ACSS2: variants seen among roughly 807,000 people sequenced by gnomAD.
ACSS2 encodes the protein acetyl-coenzyme A synthetase, cytoplasmic.
ACSS2 carries 58 observed loss-of-function variants against 90.6 expected under a neutral mutation model. That is an observed-to-expected ratio of 0.64 (90% CI 0.52 to 0.80). The LOEUF is 0.80. Ranked by LOEUF, ACSS2 falls within the 30% of genes least tolerant of loss-of-function variation. ACSS2 has a pLI of 0.00. For synonymous variants in ACSS2, 300 were observed against 330.9 expected (o/e 0.91, Z 1.01); for missense variants, 759 against 912.0 (o/e 0.83, Z 2.16).
intron 2 of ACSS2, among the ~76,000 whole-genome samples, chr20:34,890,441 G>A (rs981765203): frequency 6.6e-6 from 1 of 152,174 alleles, no homozygotes; most frequent in Admixed American, 6.5e-5. Context: ...GAGTCAGTGA[G>A]GGTGTTAGAG....
chr20:34,918,733 T>C (rs2081129166), intron 7 of ACSS2, among the ~76,000 whole-genome samples: 1 of 152,238 alleles, frequency 6.6e-6, no homozygotes, highest in African/African-American at 2.4e-5. Context: ...ATTTTACTAC[T>C]AACAGGGTCA....
intron 15 of ACSS2, 78 bp downstream of exon 15, chr20:34,925,844 C>T (rs1569003358): frequency 6.6e-7 from 1 of 1,506,884 alleles, no homozygotes; most frequent in Non-Finnish European, 9.0e-7. Flanking sequence ...TCCGCAAGAG[C>T]CCAGGAGTGT....
chr20:34,922,122 A>T, intron 13 of ACSS2: 2 of 700,548 alleles, frequency 2.9e-6, no homozygotes, highest in Non-Finnish European at 4.0e-6. Flanking sequence ...TTGGGTCTGG[A>T]AGACTAAGTC....
At chr20:34,892,022 G>T (rs1018845042) in intron 2 of ACSS2, among the ~76,000 whole-genome samples, 5 of 152,298 alleles carry the variant, frequency 3.3e-5, no homozygotes, top group African/African-American at 1.2e-4. Flanking sequence ...TTTAGTTAAT[G>T]CCCTTTTCTA....
chr20:34,927,957 C>CAAG (rs1467116697), exon 18 of ACSS2: 6 of 152,948 alleles, frequency 3.9e-5, no homozygotes, highest in Admixed American at 1.3e-4. This position sits in a 1 kb window ranked among gnomAD's most constrained non-coding sequence, Gnocchi z 4.2. Context: ...CCTGTGATCT[C>CAAG]AAGAAGTGGT....
At chr20:34,905,567 A>G (rs2080779432) in intron 2 of ACSS2, among the ~76,000 whole-genome samples, 1 of 152,136 alleles carries the variant, frequency 6.6e-6, no homozygotes, top group Non-Finnish European at 1.5e-5. Flanking sequence ...GCCAATTCAA[A>G]AGTTTTGACA....
chr20:34,922,944 T>C (rs2081234935), intron 13 of ACSS2: 1 of 169,718 alleles, frequency 5.9e-6, no homozygotes, highest in Non-Finnish European at 1.3e-5. Context: ...AATGAGTGTT[T>C]TCATTTGTAT....
chr20:34,875,987 T>G (rs2079897906), upstream of ACSS2: 1 of 152,548 alleles, frequency 6.6e-6, no homozygotes. Context: ...ATGGGAGAAG[T>G]TTTTCCGGAG....
At chr20:34,875,839 G>A (rs568653853), upstream of ACSS2, 1 of 152,496 alleles carries the variant, frequency 6.6e-6, no homozygotes, top group Non-Finnish European at 1.5e-5. Context: ...CACTTATTGA[G>A]TCTTGTACTT....
intron 2 of ACSS2, among the ~76,000 whole-genome samples, chr20:34,904,459 A>G (rs138065230): frequency 6.6e-6 from 1 of 152,278 alleles, no homozygotes; most frequent in Non-Finnish European, 1.5e-5. Context: ...GAATAGTTGT[A>G]TGTGAGGACA....
chr20:34,899,488 T>C (rs1481117187), intron 2 of ACSS2, among the ~76,000 whole-genome samples: 2 of 150,820 alleles, frequency 1.3e-5, no homozygotes, highest in African/African-American at 4.9e-5. Context: ...TTTCTTTTCT[T>C]TCTTTTTTGT....
At position 34,920,536 on chromosome 20, in the gene ACSS2, C is replaced by T. The variant is rs542915399; in HGVS notation, c.973-3C>T. 9 of 1,613,344 alleles carry T rather than the reference C, an allele frequency of 5.6e-6. No homozygotes were observed. The East Asian group carries it at 2.0e-4, about 36-fold the overall frequency. ...CCTAACCTGTTCCCCATTCTTCCCA[C>T]AGGGTGTGGTTCACACAGTTGGGGG... On this transcript the variant is annotated splice_polypyrimidine_tract_variant and splice_region_variant and intron_variant, in intron 8 of 17. Coordinates refer to ENST00000360596, the MANE Select transcript of ACSS2 (RefSeq NM_018677.4).
intron 2 of ACSS2, among the ~76,000 whole-genome samples, chr20:34,898,450 A>G (rs2080523745): frequency 6.7e-6 from 1 of 150,272 alleles, no homozygotes; most frequent in East Asian, 2.0e-4. Flanking sequence ...AGCTAGATAC[A>G]GAGTGTCAAT....
chr20:34,922,206 T>C, intron 13 of ACSS2: 1 of 220,878 alleles, frequency 4.5e-6, no homozygotes, highest in Non-Finnish European at 8.6e-6. Context: ...GGATCTGGAG[T>C]CACCCTGCCT....
intron 2 of ACSS2, among the ~76,000 whole-genome samples, chr20:34,910,926 G>A (rs867419309): frequency 2.6e-5 from 4 of 152,184 alleles, no homozygotes; most frequent in Non-Finnish European, 4.4e-5. Context: ...GGGTACAAGC[G>A]ATCTTCCTGC....
rs1221141176 is a variant in ACSS2 at position 34,922,060 on chromosome 20, T to G, written c.1548+194T>G. On this transcript the variant is annotated intron_variant, in intron 13 of 17. Coordinates refer to ENST00000360596, the MANE Select transcript of ACSS2 (RefSeq NM_018677.4). ...GCCTGCATCTCTTCCTTTTGGGCCA[T>G]AAGTCTCCTAAGGGCGTTTTAAGAG... The G allele has an allele frequency of 3.8e-6, 5 of 1,328,728 alleles. No homozygotes were observed. The African/African-American group carries it at 5.9e-5, about 16-fold the overall frequency. The allele number at this position is 1,328,728 out of a possible 1,614,324, so 82.3% of individuals were successfully genotyped here. A position where few individuals can be genotyped will look rare whatever the true frequency, so the allele number is the denominator to read the frequency against.
chr20:34,893,227 TG>T (rs1412237137), intron 2 of ACSS2, among the ~76,000 whole-genome samples: 2 of 152,114 alleles, frequency 1.3e-5, no homozygotes, highest in African/African-American at 4.8e-5. Flanking sequence ...TTCCCTTGTT[TG>T]TCTCACTCTG....
chr20:34,894,364 C>T (rs1261035239), intron 2 of ACSS2, among the ~76,000 whole-genome samples: 2 of 152,236 alleles, frequency 1.3e-5, no homozygotes, highest in East Asian at 3.9e-4. Flanking sequence ...GTGGCTCACA[C>T]CTGTAATCCC....
Position 34,913,410 on chromosome 20 carries a change from C to T in ACSS2, c.484C>T (p.Arg162Ter), listed in dbSNP as rs753037922. 2.0e-5 allele frequency: 33 copies of T among 1,613,748 alleles called. No individual in the cohort carries two copies. The highest frequency in any genetic ancestry group is 2.2e-5 in the East Asian group (1 of 44,876). ...ACCTGCAGGCATTCAGAAGGGGGACCGAGTGGCCATCTACATGCCTATGAT... is the reference window on the plus strand; with the variant it reads ...ACCTGCAGGCATTCAGAAGGGGGACTGAGTGGCCATCTACATGCCTATGAT... ...LRKQGIQKGD[R>*]VAIYMPMIPE... Residue 162 changes from arginine (R) to a stop codon, truncating the protein, a stop_gained, in exon 4 of 18, where the codon CGA becomes TGA. Coordinates refer to ENST00000360596, the MANE Select transcript of ACSS2 (RefSeq NM_018677.4). LOFTEE classifies it high-confidence loss of function.
Sources: allele counts gnomAD v4.1 joint callset (sites outside exome capture counted in the v4.1 genomes callset), GRCh38; gene constraint gnomAD v4.1.1; non-coding constraint Gnocchi (gnomAD v3.1); transcripts MANE v1.5; gene names NCBI Gene and HGNC (gene_info 2026-07-23, HGNC 2026-07-21).